ABAT: variants seen among roughly 807,000 people sequenced by gnomAD.
ABAT encodes 4-aminobutyrate aminotransferase, mitochondrial.
A neutral mutation model predicts 64.6 loss-of-function variants in ABAT; 45 were observed. The observed-to-expected ratio is 0.70, with a 90% confidence interval of 0.55 to 0.89. The LOEUF (loss-of-function observed/expected upper bound fraction) is 0.89. Ranked by LOEUF, ABAT falls within the 40% of genes least tolerant of loss-of-function variation. The pLI is 0.00. For missense variants in ABAT, 633 were observed against 658.4 expected, an observed-to-expected ratio of 0.96 and a Z score of 0.42; for synonymous variants, 297 against 250.5, an observed-to-expected ratio of 1.19 and a Z score of -1.75.
At chr16:8,748,517 G>A (rs1025253846) in intron 4 of ABAT, among the ~76,000 whole-genome samples, 9 of 152,108 alleles carry the variant, frequency 5.9e-5, no homozygotes, top group African/African-American at 2.2e-4. Flanking sequence ...CTGTTGTTGG[G>A]CAGAGTGTTC....
chr16:8,709,445 C>G (rs1320011489), intron 1 of ABAT, among the ~76,000 whole-genome samples: 1 of 152,072 alleles, frequency 6.6e-6, no homozygotes, highest in Non-Finnish European at 1.5e-5. Context: ...ACTATCTCAG[C>G]TCACTGCAAC....
At chr16:8,778,340 T>C (rs904204547) in intron 14 of ABAT, among the ~76,000 whole-genome samples, 2 of 152,168 alleles carry the variant, frequency 1.3e-5, no homozygotes, top group Non-Finnish European at 2.9e-5. Context: ...ATCTGTTCCA[T>C]GCCCCTCTCC....
At chr16:8,719,381 C>G (rs1424526050) in intron 1 of ABAT, among the ~76,000 whole-genome samples, 1 of 152,160 alleles carries the variant, frequency 6.6e-6, no homozygotes, top group Non-Finnish European at 1.5e-5. Context: ...ATATTATTTC[C>G]TACCTCCAGA....
intron 1 of ABAT, among the ~76,000 whole-genome samples, chr16:8,733,841 A>G (rs554409069): frequency 1.4e-5 from 2 of 147,920 alleles, no homozygotes; most frequent in East Asian, 3.9e-4. Context: ...GGGAGAGGGA[A>G]CTGAATCTTA....
At chr16:8,692,302 G>A in intron 1 of ABAT, among the ~76,000 whole-genome samples, 1 of 152,148 alleles carries the variant, frequency 6.6e-6, no homozygotes, top group East Asian at 1.9e-4. Context: ...GATAAGCCCA[G>A]GAAATCAAGG....
intron 1 of ABAT, among the ~76,000 whole-genome samples, chr16:8,716,985 A>G (rs1284176702): frequency 6.7e-6 from 1 of 149,296 alleles, no homozygotes; most frequent in African/African-American, 2.6e-5. Flanking sequence ...AATGCAAAAT[A>G]TCTTATTAAT....
At chr16:8,775,162 T>A (rs1765778674) in intron 13 of ABAT, 105 bp downstream of exon 13, 1 of 1,485,416 alleles carries the variant, frequency 6.7e-7, no homozygotes, top group Non-Finnish European at 9.3e-7. Context: ...GGGCACTTAC[T>A]GGGTCGCAGG....
In ABAT at chr16:8,783,610, C is replaced by T. The variant is rs917426425; in HGVS notation, c.*2180C>T. 3 of 152,198 alleles carry T rather than the reference C, an allele frequency of 2.0e-5. No individual in the cohort carries two copies. Among genetic ancestry groups the T allele is most frequent in the African/African-American group, 7.2e-5 (3 of 41,450 alleles). 9.4% of individuals were successfully genotyped at this position (152,198 alleles called of 1,614,324 possible). ...TTTCCACAGGCAGCATCCCAAGGTT[C>T]AATAAGGCCTTATTTAACAAGCAAG... is the stretch of plus-strand genomic sequence containing the variant. On this transcript the variant is annotated 3_prime_UTR_variant, in exon 16 of 16. Transcript: ENST00000268251.
intron 11 of ABAT, among the ~76,000 whole-genome samples, chr16:8,770,448 G>C (rs544686008): frequency 2.0e-4 from 30 of 148,108 alleles, no homozygotes; most frequent in East Asian, 1.0e-3. Context: ...CTTTTCTTTT[G>C]TTTTGTTTGA....
intron 2 of ABAT, among the ~76,000 whole-genome samples, chr16:8,738,091 C>G (rs1383799094): frequency 2.0e-5 from 3 of 151,466 alleles, no homozygotes; most frequent in Non-Finnish European, 4.4e-5. Context: ...GAGGCTGAGG[C>G]AGGAGGATCG....
intron 1 of ABAT, among the ~76,000 whole-genome samples, chr16:8,704,011 C>T (rs116711290): frequency 0.015 from 2,269 of 152,324 alleles, 59 homozygotes; most frequent in African/African-American, 0.052. Context: ...ATCCTCTTTC[C>T]TGGCCTTCCA....
chr16:8,720,036 C>G (rs1001035917), intron 1 of ABAT, among the ~76,000 whole-genome samples: 3 of 152,190 alleles, frequency 2.0e-5, no homozygotes, highest in Non-Finnish European at 4.4e-5. Flanking sequence ...TGGTCTCGAA[C>G]TTTTGACCTC....
At chr16:8,718,985 GT>G (rs1412130134) in intron 1 of ABAT, among the ~76,000 whole-genome samples, 1 of 152,222 alleles carries the variant, frequency 6.6e-6, no homozygotes, top group Non-Finnish European at 1.5e-5. Flanking sequence ...GTTATACGCT[GT>G]GATTTTTGCG....
chr16:8,720,104 C>T (rs750979718), intron 1 of ABAT, among the ~76,000 whole-genome samples: 5 of 152,186 alleles, frequency 3.3e-5, no homozygotes, highest in African/African-American at 1.2e-4. Flanking sequence ...TGAGCCATCG[C>T]GCCCAGCCAA....
chr16:8,775,154 G>A, intron 13 of ABAT, 97 bp downstream of exon 13: 3 of 1,532,798 alleles, frequency 2.0e-6, no homozygotes, highest in Non-Finnish European at 2.7e-6. Flanking sequence ...AGCTGGGTGG[G>A]CACTTACTGG....
At chr16:8,773,045 C>A in intron 12 of ABAT, 128 bp downstream of exon 12, 1 of 1,289,316 alleles carries the variant, frequency 7.8e-7, no homozygotes, top group Non-Finnish European at 1.1e-6. Flanking sequence ...GGCTGTCTGT[C>A]AGCATCAGGG....
rs1000437895 is a variant in ABAT at position 8,740,402 on chromosome 16, G to A, written c.70+4593G>A. On this transcript the variant is annotated intron_variant, in intron 2 of 15. Coordinates refer to ENST00000268251, the MANE Select transcript of ABAT (RefSeq NM_020686.6). ...GTCTCATATGATGGCTCAACTTGGC[G>A]GTTGGACGATCTACTGGCAGTCCCA... Among the ~76,000 whole-genome samples, 62 of 152,168 alleles carry A rather than the reference G, an allele frequency of 4.1e-4. 1 individual carries two copies. The highest frequency in any genetic ancestry group is 2.1e-4 in the South Asian group (1 of 4,822).
intron 9 of ABAT, among the ~76,000 whole-genome samples, chr16:8,766,748 C>A (rs2059957928): frequency 6.6e-6 from 1 of 152,214 alleles, no homozygotes; most frequent in Admixed American, 6.5e-5. Context: ...GCGGGTGGAT[C>A]TCCCGAGGTC....
chr16:8,686,955 C>A (rs1053236330), intron 1 of ABAT, among the ~76,000 whole-genome samples: 5 of 152,150 alleles, frequency 3.3e-5, no homozygotes, highest in South Asian at 2.1e-4. Flanking sequence ...GCAAGGCCAA[C>A]CTTGTTTGTA....
Sources: allele counts gnomAD v4.1 joint callset (sites outside exome capture counted in the v4.1 genomes callset), GRCh38; gene constraint gnomAD v4.1.1; transcripts MANE v1.5; gene names NCBI Gene and HGNC (gene_info 2026-07-23, HGNC 2026-07-21).